Variants in USP34 observed in about 807,000 individuals in gnomAD.
The protein encoded by USP34 is ubiquitin specific peptidase 34.
In USP34, 70 loss-of-function variants were observed where a neutral mutation model predicts 460.3. That is an observed-to-expected ratio of 0.15 (90% CI 0.13 to 0.19). USP34 has a LOEUF of 0.19. Among genes scored for constraint, USP34 ranks in the 10% least tolerant of loss-of-function variants. USP34 has a pLI of 1.00. For synonymous variants in USP34, 1,647 were observed against 1,405.3 expected (o/e 1.17, Z -3.85); for missense variants, 3,985 against 4,236.2 (o/e 0.94, Z 1.65).
At chr2:61,449,518 AAC>A (rs1339601599) in intron 1 of USP34, among the ~76,000 whole-genome samples, 2 of 151,886 alleles carry the variant, frequency 1.3e-5, no homozygotes, top group African/African-American at 2.4e-5. Context: ...TGAAAAAAAA[AAC>A]AAAAACAAAA....
intron 6 of USP34, among the ~76,000 whole-genome samples, chr2:61,381,933 C>G (rs1692987204): frequency 6.6e-6 from 1 of 151,996 alleles, no homozygotes; most frequent in African/African-American, 2.4e-5. Context: ...ATCCACAGTA[C>G]AAATAAAAAA....
intron 5 of USP34, among the ~76,000 whole-genome samples, chr2:61,389,738 A>AT (rs934637577): frequency 1.5e-4 from 23 of 151,060 alleles, no homozygotes; most frequent in Admixed American, 9.2e-4. Context: ...GTCCTTTATC[A>AT]TTTTTTTTTA....
At chr2:61,347,692 G>C (rs1412880586) in intron 15 of USP34, among the ~76,000 whole-genome samples, 178 bp downstream of exon 15, 1 of 152,084 alleles carries the variant, frequency 6.6e-6, no homozygotes, top group Non-Finnish European at 1.5e-5. Context: ...GCTTCATTTT[G>C]TGTTTTTAAA....
At chr2:61,384,095 G>T (rs1251858524) in intron 5 of USP34, among the ~76,000 whole-genome samples, 1 of 151,904 alleles carries the variant, frequency 6.6e-6, no homozygotes, top group African/African-American at 2.4e-5. Flanking sequence ...AGTCATTTCA[G>T]TATCTGAAGC....
rs1469816726 is a variant in USP34 at position 61,265,966 on chromosome 2, G to A, written c.5617+18C>T. ...AATTCAAAATCTATAAAGATTAAAG[G>A]AAAAGAAGAATGCTTACACTGCATG... On this transcript the variant is annotated intron_variant, in intron 42 of 79. Transcript: ENST00000398571. 1 of 1,535,890 alleles carries A rather than the reference G, an allele frequency of 6.5e-7. No homozygotes were observed. Among genetic ancestry groups the A allele is most frequent in the Non-Finnish European group, 8.8e-7 (1 of 1,133,912 alleles).
chr2:61,318,879 A>T (rs1451564268), intron 22 of USP34, among the ~76,000 whole-genome samples: 2 of 152,218 alleles, frequency 1.3e-5, no homozygotes, highest in African/African-American at 4.8e-5. Flanking sequence ...GATTATTTCA[A>T]AAAAACAAAC....
At chr2:61,328,235 G>C (rs943469094) in intron 20 of USP34, among the ~76,000 whole-genome samples, 2 of 150,686 alleles carry the variant, frequency 1.3e-5, no homozygotes, top group African/African-American at 4.9e-5. Context: ...CCAGGAGGTG[G>C]AGGTTACAGT....
rs531060298 is a variant in USP34, at chr2:61,455,732, T to C, written c.43+14918A>G. ...CTTCAACTAAAACTATTTCACAAAA[T>C]TTACCATTTTTATTTTTCATGCTGT... On this transcript the variant is annotated intron_variant, in intron 1 of 79. Transcript: ENST00000398571. Among the ~76,000 whole-genome samples, 42 of 152,338 alleles carry C rather than the reference T, an allele frequency of 2.8e-4. 1 individual carries two copies. The South Asian group carries it at 8.7e-3, about 32-fold the overall frequency.
intron 10 of USP34, among the ~76,000 whole-genome samples, chr2:61,367,359 G>A (rs1383748191): frequency 1.3e-5 from 2 of 152,148 alleles, no homozygotes; most frequent in Admixed American, 1.3e-4. Context: ...GCCAGGTGGT[G>A]GCTCGTGTCT....
chr2:61,445,534 CAAAAA>C (rs35610519), intron 1 of USP34, among the ~76,000 whole-genome samples: 1 of 107,846 alleles, frequency 9.3e-6, no homozygotes, highest in Non-Finnish European at 1.9e-5. Context: ...GACTCCGTCT[CAAAAA>C]AAAAAAAAAA....
At chr2:61,191,713 G>A (rs751309166) in intron 76 of USP34, among the ~76,000 whole-genome samples, 8 of 152,204 alleles carry the variant, frequency 5.3e-5, no homozygotes, top group Non-Finnish European at 7.3e-5. Context: ...CTGCGATGCA[G>A]AAGTAGAGAA....
intron 1 of USP34, among the ~76,000 whole-genome samples, chr2:61,464,198 A>C (rs1345802487): frequency 6.6e-6 from 1 of 152,150 alleles, no homozygotes; most frequent in Non-Finnish European, 1.5e-5. Flanking sequence ...AGGCGCCTCT[A>C]ATTCCAGCTA....
chr2:61,397,097 G>C (rs1047364913), intron 3 of USP34, among the ~76,000 whole-genome samples: 17 of 152,232 alleles, frequency 1.1e-4, no homozygotes, highest in African/African-American at 3.6e-4. Flanking sequence ...GAAGAAAAAA[G>C]AGAAGTTCAA....
chr2:61,347,844 G>T (rs543546203), intron 15 of USP34, 26 bp downstream of exon 15: 1 of 1,605,766 alleles, frequency 6.2e-7, no homozygotes, highest in African/African-American at 1.3e-5. Context: ...AATATGAACT[G>T]AATATTTATT....
chr2:61,456,365 G>A (rs1444288151), intron 1 of USP34, among the ~76,000 whole-genome samples: 1 of 152,188 alleles, frequency 6.6e-6, no homozygotes, highest in African/African-American at 2.4e-5. Flanking sequence ...TTCAGGAACA[G>A]AGTCAATAAT....
chr2:61,343,104 G>A (rs966479662), intron 16 of USP34, among the ~76,000 whole-genome samples: 4 of 152,108 alleles, frequency 2.6e-5, no homozygotes, highest in Middle Eastern at 3.2e-3. Flanking sequence ...TAATCCATCC[G>A]GTTTACTTAT....
At chr2:61,277,034 T>C (rs1689392559) in intron 41 of USP34, among the ~76,000 whole-genome samples, 2 of 152,248 alleles carry the variant, frequency 1.3e-5, no homozygotes, top group Non-Finnish European at 2.9e-5. Context: ...ACAATCAAAA[T>C]GAGACATTTG....
intron 15 of USP34, among the ~76,000 whole-genome samples, chr2:61,346,716 C>T (rs1472606101): frequency 6.7e-6 from 1 of 148,712 alleles, no homozygotes; most frequent in Non-Finnish European, 1.5e-5. Context: ...CCTGTAGTCC[C>T]AGCTGCTCAG....
chr2:61,187,950 G>C lies in USP34; in HGVS notation c.*152C>G. 1 of 1,435,748 alleles carries C rather than the reference G, an allele frequency of 7.0e-7. No individual in the cohort carries two copies. Among genetic ancestry groups the C allele is most frequent in the South Asian group, 1.6e-5 (1 of 61,852 alleles). 88.9% of individuals were successfully genotyped at this position (1,435,748 alleles called of 1,614,324 possible). On this transcript the variant is annotated 3_prime_UTR_variant, in exon 80 of 80. Transcript: ENST00000398571. ...GCAAGTTTTTTTCATCTGGAGTTCT[G>C]CCTGACCAAGAATTAAGCCTATAAA... is the stretch of plus-strand genomic sequence containing the variant.
Sources: allele counts gnomAD v4.1 joint callset (sites outside exome capture counted in the v4.1 genomes callset), GRCh38; gene constraint gnomAD v4.1.1; transcripts MANE v1.5; gene names NCBI Gene and HGNC (gene_info 2026-07-23, HGNC 2026-07-21).